The following CREBBP variants were observed in gnomAD, a reference collection of about 807,000 sequenced individuals.
CREBBP encodes CREB-binding protein.
Under a neutral mutation model 265.0 loss-of-function variants are expected in CREBBP, and 19 were observed. That is an observed-to-expected ratio of 0.07 (90% CI 0.05 to 0.11). The LOEUF (loss-of-function observed/expected upper bound fraction) is 0.11. CREBBP is among the 10% of genes least tolerant of loss of function. The probability of loss-of-function intolerance (pLI) is 1.00; values close to 1 mark genes in which losing one functional copy is unlikely to be tolerated. For synonymous variants in CREBBP, 1,457 were observed against 1,223.7 expected, an observed-to-expected ratio of 1.19 and a Z score of -3.98; for missense variants, 2,525 against 3,219.0, an observed-to-expected ratio of 0.78 and a Z score of 5.22.
chr16:3,838,831 G>A (rs941432347), intron 2 of CREBBP, among the ~76,000 whole-genome samples: 4 of 152,128 alleles, frequency 2.6e-5, no homozygotes, highest in Non-Finnish European at 5.9e-5. Context: ...TCACAAGAAT[G>A]AGCCACCAAG....
chr16:3,867,774 A>G (rs1448080203), intron 1 of CREBBP, among the ~76,000 whole-genome samples: 1 of 151,022 alleles, frequency 6.6e-6, no homozygotes, highest in Admixed American at 6.6e-5. Flanking sequence ...AAAAAAAAAA[A>G]AAAAATTAGC....
intron 17 of CREBBP, 80 bp from the exon 18 acceptor site, chr16:3,758,128 A>C: frequency 6.8e-7 from 1 of 1,476,608 alleles, no homozygotes; most frequent in Non-Finnish European, 9.3e-7. Context: ...CTTTGTTTTA[A>C]AATAATAGAA....
intron 2 of CREBBP, among the ~76,000 whole-genome samples, chr16:3,821,764 T>G (rs906855151): frequency 6.6e-6 from 1 of 152,194 alleles, no homozygotes; most frequent in African/African-American, 2.4e-5. Flanking sequence ...GCGTGGTGGC[T>G]CACGCCTGTA....
chr16:3,844,005 G>A (rs1309980673), intron 2 of CREBBP, among the ~76,000 whole-genome samples: 5 of 150,262 alleles, frequency 3.3e-5, no homozygotes, highest in African/African-American at 7.3e-5. Context: ...AAAATTAGCC[G>A]GGCGTAGTGG....
chr16:3,732,990 G>A (rs1317881166), intron 28 of CREBBP, among the ~76,000 whole-genome samples: 1 of 151,838 alleles, frequency 6.6e-6, no homozygotes. Context: ...ATGAGCCACC[G>A]TGCCCAGCCA....
At chr16:3,841,819 G>A (rs531977848) in intron 2 of CREBBP, among the ~76,000 whole-genome samples, 1 of 152,086 alleles carries the variant, frequency 6.6e-6, no homozygotes, top group African/African-American at 2.4e-5. Context: ...TACGGTCACC[G>A]GTGAGCTGGT....
At chr16:3,777,537 G>T in intron 11 of CREBBP, 76 bp downstream of exon 11, 1 of 1,435,092 alleles carries the variant, frequency 7.0e-7, no homozygotes, top group Non-Finnish European at 9.8e-7. Context: ...ATATACAGGG[G>T]GAGAGGAAAA....
chr16:3,820,292 G>C (rs1431931756), intron 2 of CREBBP, among the ~76,000 whole-genome samples: 2 of 152,230 alleles, frequency 1.3e-5, no homozygotes, highest in Non-Finnish European at 2.9e-5. Context: ...AATCCTTCCA[G>C]TATATCAACT....
In CREBBP at chr16:3,757,911, G is replaced by C. The variant is rs762304359; in HGVS notation, c.3507C>G (p.Arg1169=). Reference sequence around the variant, plus strand: ...AAAACTTATAGACTCGGGATGTCTTGCGATTATAGAGCCAGGCATTGTTGA... The same window carrying C: ...AAAACTTATAGACTCGGGATGTCTTCCGATTATAGAGCCAGGCATTGTTGA... ...LMFNNAWLYN[R]KTSRVYKFCS... The change falls in exon 18 of 31, where the codon CGC becomes CGG. Residue 1169 remains arginine (R), a synonymous_variant. Coordinates refer to ENST00000262367, the MANE Select transcript of CREBBP (RefSeq NM_004380.3). The C allele has an allele frequency of 4.3e-6, 7 of 1,614,106 alleles. No homozygotes were observed. The South Asian group carries it at 7.7e-5, about 18-fold the overall frequency.
At position 3,787,555 on chromosome 16, in the gene CREBBP, C is replaced by A. The variant is rs12597795; in HGVS notation, c.1330+4426G>T. ...AAAGGGCCTGCTCCACACACACTCA[C>A]TGGGCACCTGATGGGCTATTCGATG... On this transcript the variant is annotated intron_variant, in intron 5 of 30. Transcript: ENST00000262367. Among the ~76,000 whole-genome samples the A allele has an allele frequency of 3.5e-4, 54 of 152,244 alleles. No individual in the cohort carries two copies. In the East Asian group the frequency reaches 0.01, roughly 28 times the overall value.
chr16:3,764,678 AGCTCAAGTGATCCTGCT>A (rs1567293299), intron 16 of CREBBP, among the ~76,000 whole-genome samples: 1 of 151,176 alleles, frequency 6.6e-6, no homozygotes, highest in African/African-American at 2.4e-5. Flanking sequence ...TGGACCCCTG[AGCTCAAGTGATCCTGCT>A]GCCTCAGCCT....
rs1485845299 is a variant in CREBBP, at chr16:3,793,383, T to C, written c.1216+3A>G. 1 of 1,613,736 alleles carries C rather than the reference T, an allele frequency of 6.2e-7. No homozygotes were observed. The highest frequency in any genetic ancestry group is 1.3e-5 in the African/African-American group (1 of 74,936). On this transcript the variant is annotated splice_donor_region_variant and intron_variant, in intron 4 of 30. Coordinates refer to ENST00000262367, the MANE Select transcript of CREBBP (RefSeq NM_004380.3). ...CACTAGGAGTTCCAAAAACAGCACT[T>C]ACCTTGGCAGGCTTTCCCAGCCTGA...
At chr16:3,873,730 G>A (rs916598111) in intron 1 of CREBBP, among the ~76,000 whole-genome samples, 7 of 152,232 alleles carry the variant, frequency 4.6e-5, no homozygotes, top group African/African-American at 1.4e-4. Context: ...CCCCAAACAT[G>A]CTCTGGCCTC....
intron 3 of CREBBP, 152 bp downstream of exon 3, chr16:3,810,451 A>AT (rs2053915276): frequency 1.4e-5 from 12 of 869,010 alleles, no homozygotes; most frequent in Admixed American, 1.2e-4. Flanking sequence ...TGTTAAACTC[A>AT]TTTAGAGAGC....
chr16:3,728,526 A>G lies in CREBBP; in HGVS notation c.6521T>C (p.Met2174Thr), dbSNP rs1314220845. The part of the protein sequence containing the change: ...LNPQGQALNI[M>T]NPGHNPNMAS... ...CATGTTGGGGTTGTGTCCTGGGTTC[A>G]TGATGTTCAAGGCCTGGCCCTGGGG... The change falls in exon 31 of 31, where the codon ATG becomes ACG. Residue 2174 changes from methionine to threonine, a missense_variant. This residue lies in a region of CREBBP where 473 missense variants were observed against 459.3 expected (regional missense o/e 1.03). Coordinates refer to ENST00000262367, the MANE Select transcript of CREBBP (RefSeq NM_004380.3). The surrounding 1 kb of genome is among the most constrained non-coding windows in gnomAD (Gnocchi z 8.7). 6.2e-7 allele frequency: 1 copy of G among 1,613,950 alleles called. No homozygotes were observed. Among genetic ancestry groups the G allele is most frequent in the Non-Finnish European group, 8.5e-7 (1 of 1,179,982 alleles).
At chr16:3,735,372 C>A (rs1042359977) in intron 28 of CREBBP, among the ~76,000 whole-genome samples, 5 of 152,178 alleles carry the variant, frequency 3.3e-5, no homozygotes, top group African/African-American at 1.2e-4. Context: ...TCTAGGCTCA[C>A]TGCAACCTCC....
chr16:3,804,875 C>G (rs1285542132), intron 3 of CREBBP, among the ~76,000 whole-genome samples: 1 of 152,236 alleles, frequency 6.6e-6, no homozygotes, highest in Non-Finnish European at 1.5e-5. Flanking sequence ...AAGGATTATA[C>G]TAATCAGACT....
rs2051820420 is a variant in CREBBP, at chr16:3,728,655, G to A, written c.6392C>T (p.Pro2131Leu). The A allele has an allele frequency of 1.2e-6, 2 of 1,613,664 alleles. No homozygotes were observed. Among genetic ancestry groups the A allele is most frequent in the South Asian group, 2.2e-5 (2 of 91,066 alleles). ...CAGGCTGGGCTGCTGGTGCATGCCA[G>A]GCTGGGGTTGCATGCCGGGCTGGGA... ...LQSQPGMQPQPGMHQQPSLQN... is the reference protein window; with the variant it reads ...LQSQPGMQPQLGMHQQPSLQN... The change falls in exon 31 of 31, where the codon CCT becomes CTT. Residue 2131 changes from proline (P) to leucine (L), a missense_variant. Transcript: ENST00000262367. The surrounding 1 kb of genome is among the most constrained non-coding windows in gnomAD (Gnocchi z 8.7).
chr16:3,753,392 C>T (rs1363822397), intron 19 of CREBBP, among the ~76,000 whole-genome samples: 2 of 152,126 alleles, frequency 1.3e-5, no homozygotes, highest in African/African-American at 2.4e-5. Flanking sequence ...TCAAGATGAG[C>T]CAATTTTTTG....
Sources: allele counts gnomAD v4.1 joint callset (sites outside exome capture counted in the v4.1 genomes callset), GRCh38; gene constraint gnomAD v4.1.1; regional missense constraint gnomAD v4.1.1; non-coding constraint Gnocchi (gnomAD v3.1); transcripts MANE v1.5; gene names NCBI Gene and HGNC (gene_info 2026-07-23, HGNC 2026-07-21).